The following ARGLU1 variants were observed in gnomAD, a reference collection of about 807,000 sequenced individuals.
ARGLU1 encodes arginine and glutamate-rich protein 1.
In ARGLU1, 9 loss-of-function variants were observed where a neutral mutation model predicts 37.6. That is an observed-to-expected ratio of 0.24 (90% confidence interval 0.14 to 0.42). The LOEUF (loss-of-function observed/expected upper bound fraction) is 0.42. Ranked by LOEUF, ARGLU1 falls within the 10% of genes least tolerant of loss-of-function variation. The pLI, the probability that ARGLU1 is intolerant of heterozygous loss-of-function variation, is 1.00. For missense variants in ARGLU1, 211 were observed against 359.2 expected, an observed-to-expected ratio of 0.59 and a Z score of 3.34; for synonymous variants, 166 against 138.5, an observed-to-expected ratio of 1.20 and a Z score of -1.39.
chr13:106,558,194 G>A (rs1880705011), intron 2 of ARGLU1: 3 of 985,012 alleles, frequency 3.0e-6, no homozygotes, highest in Non-Finnish European at 2.4e-6. Context: ...TTAATAACTC[G>A]CTACAAGACA....
chr13:106,546,976 G>T (rs1018037689), intron 3 of ARGLU1, among the ~76,000 whole-genome samples: 5 of 152,160 alleles, frequency 3.3e-5, no homozygotes, highest in South Asian at 2.1e-4. Context: ...ATTAGGCCAT[G>T]AGGGGTTCAT....
rs751283742 is a variant in ARGLU1 at position 106,559,295 on chromosome 13, G to A, written c.573+137C>T. The A allele has an allele frequency of 2.3e-5, 35 of 1,538,744 alleles. 1 individual carries two copies. The Admixed American group carries it at 2.9e-4, about 13-fold the overall frequency. On this transcript the variant is annotated intron_variant, in intron 2 of 3. Coordinates refer to ENST00000400198, the MANE Select transcript of ARGLU1 (RefSeq NM_018011.4). ...TGAATAGGCTAAAAAATTAACTTTCGCAGCAATGTTAAGTTTAGACGAGAA... is the reference window on the plus strand; with the variant it reads ...TGAATAGGCTAAAAAATTAACTTTCACAGCAATGTTAAGTTTAGACGAGAA...
At chr13:106,549,040 T>G (rs1224304392) in intron 3 of ARGLU1, among the ~76,000 whole-genome samples, 1 of 152,198 alleles carries the variant, frequency 6.6e-6, no homozygotes, top group African/African-American at 2.4e-5. Flanking sequence ...CGTGAGCCAC[T>G]GTGCCCGGCC....
intron 1 of ARGLU1, chr13:106,562,074 C>T (rs1880816336): frequency 1.3e-5 from 2 of 152,210 alleles, no homozygotes; most frequent in South Asian, 4.1e-4. Context: ...AGCTGCTTAT[C>T]TCCCTTTGTT....
intron 1 of ARGLU1, among the ~76,000 whole-genome samples, chr13:106,566,238 G>C (rs1408138227): frequency 2.0e-5 from 3 of 152,208 alleles, no homozygotes; most frequent in East Asian, 1.9e-4. Flanking sequence ...AGTGTTGGAA[G>C]CAAAACAGCT....
In ARGLU1 at chr13:106,567,439, G is replaced by C; in HGVS notation, c.347+134C>G. ...CGCCCCGCCGCCGCCTCTCCGACCCGTTCCCGCGCCCGGTCCCCAGCCCCG... is the reference window on the plus strand; with the variant it reads ...CGCCCCGCCGCCGCCTCTCCGACCCCTTCCCGCGCCCGGTCCCCAGCCCCG... On this transcript the variant is annotated intron_variant, in intron 1 of 3. Transcript: ENST00000400198. The surrounding 1 kb of genome is among the most constrained non-coding windows in gnomAD (Gnocchi z 4.3). 1 of 588,218 alleles carries C rather than the reference G, an allele frequency of 1.7e-6. No homozygotes were observed. The allele number at this position is 588,218 out of a possible 1,614,324, so 36.4% of individuals were successfully genotyped here. A position where few individuals can be genotyped will look rare whatever the true frequency, so the allele number is the denominator to read the frequency against.
intron 3 of ARGLU1, among the ~76,000 whole-genome samples, chr13:106,552,823 T>G (rs1880564459): frequency 6.6e-6 from 1 of 152,220 alleles, no homozygotes; most frequent in Non-Finnish European, 1.5e-5. Flanking sequence ...TCAAGTCATA[T>G]TTGGATGCTT....
In ARGLU1 at chr13:106,542,463, C is replaced by G. The variant is rs1880286278; in HGVS notation, c.*1533G>C. On this transcript the variant is annotated 3_prime_UTR_variant, in exon 4 of 4. Coordinates refer to ENST00000400198, the MANE Select transcript of ARGLU1 (RefSeq NM_018011.4). ...CTATATTTCATGCCTATTTAAAATT[C>G]TACCTTTAAAGATCTTTAAACTGAT... 6.6e-6 allele frequency: 1 copy of G among 152,004 alleles called. No individual in the cohort carries two copies. The highest frequency in any genetic ancestry group is 1.5e-5 in the Non-Finnish European group (1 of 67,954). 9.4% of individuals were successfully genotyped at this position (152,004 alleles called of 1,614,324 possible).
chr13:106,557,219 T>G lies in ARGLU1; in HGVS notation c.574-88A>C. The G allele has an allele frequency of 8.6e-7, 1 of 1,162,428 alleles. No individual in the cohort carries two copies. The highest frequency in any genetic ancestry group is 1.3e-6 in the Non-Finnish European group (1 of 795,920). The allele number at this position is 1,162,428 out of a possible 1,614,324, so 72.0% of individuals were successfully genotyped here. The stretch of plus-strand genomic sequence containing the variant: ...TTACTAATCTTCCTCTGAACTTTTT[T>G]GATATGACTTACAGGGTAGCTTTAT... On this transcript the variant is annotated intron_variant, in intron 2 of 3. Transcript: ENST00000400198. This position sits in a 1 kb window ranked among gnomAD's most constrained non-coding sequence, Gnocchi z 5.0.
rs1881033821 is a variant in ARGLU1, at chr13:106,568,136, G to C, written c.-217C>G. On this transcript the variant is annotated 5_prime_UTR_variant, in exon 1 of 4. Coordinates refer to ENST00000400198, the MANE Select transcript of ARGLU1 (RefSeq NM_018011.4). ...GCCAGGCGCCCCTAAGATGGCAGCT[G>C]CGGCTGCACCGGCCGCCCTTCCCAC... The C allele has an allele frequency of 1.5e-6, 1 of 670,796 alleles. No homozygotes were observed. The highest frequency in any genetic ancestry group is 2.3e-6 in the Non-Finnish European group (1 of 432,040). The allele number at this position is 670,796 out of a possible 1,614,324, so 41.6% of individuals were successfully genotyped here.
chr13:106,562,722 T>C (rs1031799992), intron 1 of ARGLU1, among the ~76,000 whole-genome samples: 22 of 152,230 alleles, frequency 1.4e-4, no homozygotes, highest in African/African-American at 4.6e-4. Flanking sequence ...CTGGGCGCGG[T>C]GGCTCACGCC....
Position 106,567,500 on chromosome 13 carries a change from C to T in ARGLU1, c.347+73G>A. On this transcript the variant is annotated intron_variant, in intron 1 of 3. Transcript: ENST00000400198. The surrounding 1 kb of genome is among the most constrained non-coding windows in gnomAD (Gnocchi z 4.3). ...GCCATTCTCCCGGCCCGCACCGTCC[C>T]GCCCCGGCCCCACGCCCTCGCCCCG... 1.8e-6 allele frequency: 2 copies of T among 1,138,466 alleles called. No individual in the cohort carries two copies. The highest frequency in any genetic ancestry group is 1.3e-5 in the South Asian group (1 of 78,392). The allele number at this position is 1,138,466 out of a possible 1,614,324, so 70.5% of individuals were successfully genotyped here. A position where few individuals can be genotyped will look rare whatever the true frequency, so the allele number is the denominator to read the frequency against.
chr13:106,565,321 G>A (rs1336175557), intron 1 of ARGLU1, among the ~76,000 whole-genome samples: 2 of 152,176 alleles, frequency 1.3e-5, no homozygotes, highest in Non-Finnish European at 2.9e-5. Flanking sequence ...ATTTTGGCAG[G>A]AGTCGGGGGA....
chr13:106,546,821 T>C (rs1383589174), intron 3 of ARGLU1, among the ~76,000 whole-genome samples: 3 of 152,100 alleles, frequency 2.0e-5, no homozygotes, highest in African/African-American at 7.2e-5. Context: ...TAATGAACAT[T>C]ACAAATATAC....
chr13:106,563,156 G>A (rs955622031), intron 1 of ARGLU1, among the ~76,000 whole-genome samples: 2 of 151,890 alleles, frequency 1.3e-5, no homozygotes, highest in Non-Finnish European at 2.9e-5. Flanking sequence ...CAATCCTAGG[G>A]GTTTACTTCT....
chr13:106,551,728 C>G (rs1190661464), intron 3 of ARGLU1, among the ~76,000 whole-genome samples: 2 of 152,186 alleles, frequency 1.3e-5, no homozygotes, highest in Non-Finnish European at 2.9e-5. Context: ...TGCTCCTTGT[C>G]TCTTACAGCT....
intron 3 of ARGLU1, among the ~76,000 whole-genome samples, chr13:106,549,284 C>A (rs1018524296): frequency 8.6e-5 from 13 of 152,042 alleles, no homozygotes; most frequent in African/African-American, 3.1e-4. Flanking sequence ...TGAAAAACAG[C>A]ACAATTAGAA....
At chr13:106,549,486 G>A (rs527653887) in intron 3 of ARGLU1, among the ~76,000 whole-genome samples, 15 of 152,228 alleles carry the variant, frequency 9.9e-5, no homozygotes, top group Non-Finnish European at 1.8e-4. Flanking sequence ...GATTAGTTCT[G>A]ACACTTAGTA....
intron 3 of ARGLU1, among the ~76,000 whole-genome samples, chr13:106,544,765 T>G (rs1429243354): frequency 6.6e-6 from 1 of 151,962 alleles, no homozygotes; most frequent in East Asian, 1.9e-4. Context: ...CAAATCATGC[T>G]GAAAAAAAAG....
Sources: gnomAD v4.1 joint callset for allele counts (sites outside exome capture counted in the v4.1 genomes callset) on GRCh38, gnomAD v4.1.1 for gene constraint, Gnocchi (gnomAD v3.1) non-coding constraint, MANE v1.5 for transcripts, NCBI Gene and HGNC (gene_info 2026-07-23, HGNC 2026-07-21) for gene names.